Variants in PRDM5 observed in about 807,000 individuals in gnomAD.
PRDM5 encodes PR/SET domain 5.
A neutral mutation model predicts 81.2 loss-of-function variants in PRDM5; 56 were observed. The observed-to-expected ratio is 0.69, with a 90% confidence interval of 0.56 to 0.86. The LOEUF (loss-of-function observed/expected upper bound fraction) is 0.86, where lower values mean the gene tolerates loss of function less well. PRDM5 is among the 40% of genes least tolerant of loss of function. The pLI, the probability that PRDM5 is intolerant of heterozygous loss-of-function variation, is 0.00. For synonymous variants in PRDM5, 267 were observed against 256.4 expected (o/e 1.04, Z -0.39); for missense variants, 697 against 770.1 (o/e 0.91, Z 1.12).
At chr4:120,723,103 C>T (rs976465439) in intron 14 of PRDM5, among the ~76,000 whole-genome samples, 4 of 152,180 alleles carry the variant, frequency 2.6e-5, no homozygotes, top group African/African-American at 9.7e-5. Flanking sequence ...TGGCCCTATC[C>T]TAGTGACACA....
intron 14 of PRDM5, among the ~76,000 whole-genome samples, chr4:120,731,371 T>C (rs1336312968): frequency 1.3e-5 from 2 of 151,322 alleles, no homozygotes; most frequent in Admixed American, 1.3e-4. Flanking sequence ...GGTCTTCTTT[T>C]TTTTTTTTTT....
intron 2 of PRDM5, among the ~76,000 whole-genome samples, chr4:120,861,640 A>G (rs1040152269): frequency 3.3e-5 from 5 of 151,974 alleles, no homozygotes; most frequent in Non-Finnish European, 7.4e-5. Flanking sequence ...TCTACTAAAA[A>G]TACAAAAATT....
chr4:120,843,518 C>A (rs994936791), intron 3 of PRDM5, among the ~76,000 whole-genome samples: 3 of 151,808 alleles, frequency 2.0e-5, no homozygotes, highest in African/African-American at 4.8e-5. Flanking sequence ...GCCTGGGCAA[C>A]AATGCAAGAC....
chr4:120,684,698 T>G (rs887613662), downstream of PRDM5, among the ~76,000 whole-genome samples: 1 of 152,006 alleles, frequency 6.6e-6, no homozygotes, highest in African/African-American at 2.4e-5. Context: ...GCCTTTAATT[T>G]TATAATATTT....
intron 8 of PRDM5, among the ~76,000 whole-genome samples, chr4:120,808,154 C>T (rs1375802281): frequency 6.6e-6 from 1 of 152,158 alleles, no homozygotes; most frequent in Non-Finnish European, 1.5e-5. Flanking sequence ...GAGCGGGTTG[C>T]CACTGCTGGC....
chr4:120,791,102 A>G (rs1013390668), intron 10 of PRDM5, among the ~76,000 whole-genome samples: 2 of 152,220 alleles, frequency 1.3e-5, no homozygotes, highest in Non-Finnish European at 1.5e-5. Context: ...CTGTTAAGAG[A>G]AAGTAGAGCT....
intron 4 of PRDM5, among the ~76,000 whole-genome samples, chr4:120,820,018 G>A (rs1755053104): frequency 6.6e-6 from 1 of 152,200 alleles, no homozygotes; most frequent in Admixed American, 6.5e-5. Flanking sequence ...CTTCTGAAGT[G>A]GCTTTGCTAC....
At chr4:120,738,198 G>C (rs1741398511) in intron 14 of PRDM5, among the ~76,000 whole-genome samples, 1 of 152,188 alleles carries the variant, frequency 6.6e-6, no homozygotes, top group Non-Finnish European at 1.5e-5. Context: ...GAGTTTGCCA[G>C]ACCATCAGCC....
intron 10 of PRDM5, among the ~76,000 whole-genome samples, chr4:120,788,408 T>C (rs2149257761): frequency 6.6e-6 from 1 of 151,260 alleles, no homozygotes; most frequent in Middle Eastern, 3.4e-3. Flanking sequence ...TTGAGGAGGG[T>C]TTTTAAAGGA....
intron 1 of PRDM5, among the ~76,000 whole-genome samples, chr4:120,908,692 A>G (rs1383422855): frequency 6.6e-6 from 1 of 152,210 alleles, no homozygotes; most frequent in South Asian, 2.1e-4. Context: ...AGGGGCAGAA[A>G]ATACCCAGAG....
At chr4:120,844,209 T>C (rs558612690) in intron 3 of PRDM5, among the ~76,000 whole-genome samples, 6 of 152,150 alleles carry the variant, frequency 3.9e-5, no homozygotes, top group Admixed American at 1.3e-4. Flanking sequence ...CTTTGTTTCA[T>C]ATACAGACGA....
chr4:120,849,268 G>C (rs1758990947), intron 3 of PRDM5, among the ~76,000 whole-genome samples: 1 of 152,124 alleles, frequency 6.6e-6, no homozygotes, highest in Non-Finnish European at 1.5e-5. Flanking sequence ...TGATTTTCCA[G>C]CTCTGTCATA....
intron 2 of PRDM5, among the ~76,000 whole-genome samples, chr4:120,884,531 A>C (rs979513916): frequency 5.1e-4 from 78 of 152,216 alleles, no homozygotes; most frequent in African/African-American, 1.7e-3. Context: ...GAAAGATACA[A>C]ATATTGGACT....
At chr4:120,715,255 T>C (rs113307117) in intron 14 of PRDM5, among the ~76,000 whole-genome samples, 1 of 152,200 alleles carries the variant, frequency 6.6e-6, no homozygotes, top group African/African-American at 2.4e-5. Context: ...TTTTACAAGT[T>C]CAGATGTTTT....
chr4:120,793,921 T>G (rs1750965688), intron 10 of PRDM5, among the ~76,000 whole-genome samples: 1 of 151,850 alleles, frequency 6.6e-6, no homozygotes, highest in South Asian at 2.1e-4. Flanking sequence ...CAAATTTCAC[T>G]TGTCATTATG....
At chr4:120,804,826 C>G (rs1752669139) in intron 8 of PRDM5, among the ~76,000 whole-genome samples, 1 of 152,180 alleles carries the variant, frequency 6.6e-6, no homozygotes, top group South Asian at 2.1e-4. Flanking sequence ...CAAAAGCTAG[C>G]AGAAGGCAAG....
At chr4:120,865,953 G>C (rs1409111037) in intron 2 of PRDM5, among the ~76,000 whole-genome samples, 1 of 152,006 alleles carries the variant, frequency 6.6e-6, no homozygotes, top group Non-Finnish European at 1.5e-5. Flanking sequence ...TTTGGGGCAT[G>C]TTATGACAAT....
rs761026172 is a variant in PRDM5 at position 120,710,336 on chromosome 4, G to A, written c.1701C>T (p.His567=). Residue 567 remains histidine (H), a synonymous_variant, in exon 15 of 16, where the codon CAC becomes CAT. Coordinates refer to ENST00000264808, the MANE Select transcript of PRDM5 (RefSeq NM_018699.4). ...CACACTGAAAAGGCTTTTCTCCAGT[G>A]TGCGTCCTCTTGTGCTCATCCAGGC... ...KRGLDEHKRT[H]TGEKPFQCDV... The A allele has an allele frequency of 1.9e-6, 3 of 1,614,042 alleles. 1 individual carries two copies. The Admixed American group carries it at 5.0e-5, about 27-fold the overall frequency.
At chr4:120,838,850 T>C (rs1757664116) in intron 3 of PRDM5, 2 of 209,280 alleles carry the variant, frequency 9.6e-6, no homozygotes, top group South Asian at 2.7e-4. Flanking sequence ...ACTAATGGCC[T>C]GGATTCCACA....
Sources: allele counts gnomAD v4.1 joint callset (sites outside exome capture counted in the v4.1 genomes callset), GRCh38; gene constraint gnomAD v4.1.1; transcripts MANE v1.5; gene names NCBI Gene and HGNC (gene_info 2026-07-23, HGNC 2026-07-21).